MBOAT4: variants seen among roughly 807,000 people sequenced by gnomAD.
The protein encoded by MBOAT4 is membrane-bound ghrelin O-acyltransferase MBOAT4.
In MBOAT4, 11 loss-of-function variants were observed where a neutral mutation model predicts 13.2. The observed-to-expected ratio is 0.84, with a 90% CI of 0.53 to 1.38. The LOEUF is 1.38. Among genes scored for constraint, MBOAT4 ranks in the 40% most tolerant of loss-of-function variants. The probability of loss-of-function intolerance (pLI) is 0.00; values close to 1 mark genes in which losing one functional copy is unlikely to be tolerated. For missense variants in MBOAT4, 481 were observed against 527.2 expected (o/e 0.91, Z 0.86); for synonymous variants, 202 against 210.3 (o/e 0.96, Z 0.34).
Position 30,138,517 on chromosome 8 carries a change from G to T in MBOAT4, c.344+15C>A. On this transcript the variant is annotated intron_variant, in intron 2 of 2. Transcript: ENST00000320542. ...TGTAGGTGGGCTGAGCATGACCAAC[G>T]AACAGGCTGCTTACCTCACAGAAGG... The T allele has an allele frequency of 6.5e-7, 1 of 1,537,000 alleles. No individual in the cohort carries two copies. Among genetic ancestry groups the T allele is most frequent in the South Asian group, 1.2e-5 (1 of 83,544 alleles).
rs777956239 is a variant in MBOAT4, at chr8:30,144,531, A to T, written c.71T>A (p.Leu24His). Residue 24 changes from leucine (L) to histidine (H), a missense_variant, in exon 1 of 3, where the codon CTT (leucine) becomes CAT (histidine). Physicochemically the swap from Leu to His is moderately conservative, Grantham distance 99. Transcript: ENST00000320542. ...CATGATGCAGAGATAATTGAAGAGAAGTGCAAAGGGAAATGCAGCCCCCTG... is the reference window on the plus strand; with the variant it reads ...CATGATGCAGAGATAATTGAAGAGATGTGCAAAGGGAAATGCAGCCCCCTG... ...FYQGAAFPFA[L>H]LFNYLCIMDS... 7.1e-6 allele frequency: 11 copies of T among 1,551,664 alleles called. No individual in the cohort carries two copies. The highest frequency in any genetic ancestry group is 1.7e-4 in the Middle Eastern group (1 of 5,992).
In MBOAT4 at chr8:30,139,453, C is replaced by T. The variant is rs150711334; in HGVS notation, c.120-697G>A. Reference sequence around the variant, plus strand: ...ACCTAGTGTCAAGGATCTAGAAGAGCGCCCTAGGCATCCTCTCAAGACAAG... The same window carrying T: ...ACCTAGTGTCAAGGATCTAGAAGAGTGCCCTAGGCATCCTCTCAAGACAAG... On this transcript the variant is annotated intron_variant, in intron 1 of 2. Transcript: ENST00000320542. Among the ~76,000 whole-genome samples the T allele has an allele frequency of 4.2e-3, 643 of 152,232 alleles. 2 individuals carry two copies. Among genetic ancestry groups the T allele is most frequent in the African/African-American group, 9.4e-3 (390 of 41,532 alleles).
At chr8:30,142,664 G>A (rs1034208431) in intron 1 of MBOAT4, among the ~76,000 whole-genome samples, 3 of 152,138 alleles carry the variant, frequency 2.0e-5, no homozygotes, top group African/African-American at 7.2e-5. Flanking sequence ...GCCAGAAACT[G>A]AGCAATCTTC....
intron 2 of MBOAT4, among the ~76,000 whole-genome samples, chr8:30,135,449 C>G (rs534027333): frequency 3.9e-5 from 6 of 152,134 alleles, no homozygotes; most frequent in Non-Finnish European, 5.9e-5. Flanking sequence ...AAATACGAAC[C>G]AGGCCCTGGC....
intron 2 of MBOAT4, chr8:30,137,962 G>A: frequency 5.1e-6 from 1 of 197,094 alleles, no homozygotes; most frequent in Admixed American, 5.3e-5. Flanking sequence ...CCCTGCCCTT[G>A]ATGGATCAGC....
rs898854639 is a variant in MBOAT4 at position 30,132,763 on chromosome 8, A to G, written c.488T>C (p.Leu163Pro). 1 of 1,551,776 alleles carries G rather than the reference A, an allele frequency of 6.4e-7. No homozygotes were observed. The highest frequency in any genetic ancestry group is 8.7e-7 in the Non-Finnish European group (1 of 1,147,006). ...SSLSEHVCKA[L>P]PYFSYLLFFP... ...AAAGAGCAAGTAGCTGAAATAGGGC[A>G]GTGCCTTACACACATGCTCAGACAA... The change falls in exon 3 of 3, where the codon CTG (leucine) becomes CCG (proline). Residue 163 changes from leucine to proline, a missense_variant. Physicochemically the swap from Leu to Pro is moderately conservative, Grantham distance 98 (BLOSUM62 -3). Coordinates refer to ENST00000320542, the MANE Select transcript of MBOAT4 (RefSeq NM_001100916.2).
At chr8:30,140,843 T>C (rs1223012368) in intron 1 of MBOAT4, among the ~76,000 whole-genome samples, 1 of 152,012 alleles carries the variant, frequency 6.6e-6, no homozygotes, top group Non-Finnish European at 1.5e-5. Flanking sequence ...AAAAGAGCAG[T>C]GTTTTGTCTT....
chr8:30,132,819 T>C lies in MBOAT4; in HGVS notation c.432A>G (p.Ala144=), dbSNP rs1803056553. The C allele has an allele frequency of 3.9e-6, 6 of 1,551,640 alleles. No individual in the cohort carries two copies. In the South Asian group the frequency reaches 7.1e-5, roughly 18 times the overall value. ...SLDICEGKVK[A]ASGGFRSRSS... is the part of the protein sequence containing the mutation. The stretch of plus-strand genomic sequence containing the variant: ...TCCTGCTCCTGAAGCCTCCAGATGC[T>C]GCCTTCACTTTCCCCTCACAAATGT... The change falls in exon 3 of 3, where the codon GCA becomes GCG. Residue 144 remains alanine, a synonymous_variant. Transcript: ENST00000320542.
rs1260457759 is a variant in MBOAT4, at chr8:30,132,124, A to C, written c.1127T>G (p.Leu376Arg). Residue 376 changes from leucine to arginine, a missense_variant, in exon 3 of 3, where the codon CTG (leucine) becomes CGG (arginine). By Grantham distance (102) the Leu-to-Arg change is moderately radical (BLOSUM62 -2). Transcript: ENST00000320542. ...GGCCCAGGTGAGGGTTCTATAGAAC[A>C]GCCTCATCGGCCAGGATCTGATAAA... is the stretch of plus-strand genomic sequence containing the variant. Reference protein sequence around the residue: ...NEFIRSWPMRLFYRTLTWAHT... With the variant: ...NEFIRSWPMRRFYRTLTWAHT... The C allele has an allele frequency of 6.4e-7, 1 of 1,551,778 alleles. No individual in the cohort carries two copies. The highest frequency in any genetic ancestry group is 8.7e-7 in the Non-Finnish European group (1 of 1,147,008).
chr8:30,137,090 C>T (rs759588563), intron 2 of MBOAT4, among the ~76,000 whole-genome samples: 10 of 152,032 alleles, frequency 6.6e-5, no homozygotes, highest in Non-Finnish European at 1.2e-4. Context: ...GATAGGTGAC[C>T]GCCTGGAGCA....
Position 30,138,621 on chromosome 8 carries a change from C to T in MBOAT4, c.255G>A (p.Trp85Ter), listed in dbSNP as rs780174922. ...GCCAGCTCATCTGAAAGCAGAAGGT[C>T]CACCTGTGGACTTGCTGAGGAGCCA... Reference protein sequence around the residue: ...CSLAPQQVHRWTFCFQMSWQT... With the variant: ...CSLAPQQVHR The change falls in exon 2 of 3, where the codon TGG (tryptophan) becomes TGA (stop). Residue 85 changes from tryptophan to a stop codon, truncating the protein, a stop_gained. Coordinates refer to ENST00000320542, the MANE Select transcript of MBOAT4 (RefSeq NM_001100916.2). LOFTEE classifies it high-confidence loss of function. 1 of 1,551,538 alleles carries T rather than the reference C, an allele frequency of 6.4e-7. No individual in the cohort carries two copies. Among genetic ancestry groups the T allele is most frequent in the African/African-American group, 1.4e-5 (1 of 73,046 alleles).
rs1381444060 is a variant in MBOAT4, at chr8:30,132,528, G to C, written c.723C>G (p.Ile241Met). The C allele has an allele frequency of 1.3e-6, 2 of 1,551,756 alleles. No individual in the cohort carries two copies. Among genetic ancestry groups the C allele is most frequent in the South Asian group, 2.4e-5 (2 of 84,066 alleles). The change falls in exon 3 of 3, where the codon ATC becomes ATG. Residue 241 changes from isoleucine to methionine, a missense_variant. Ile to Met is a conservative substitution (Grantham distance 10, BLOSUM62 1). Transcript: ENST00000320542. ...GLTDCQQFEC[I>M]YVVWTTAGLF... is the part of the protein sequence containing the mutation. The stretch of plus-strand genomic sequence containing the variant: ...GCCCAGCTGTGGTCCACACGACATA[G>C]ATGCACTCGAATTGCTGGCAATCAG...
intron 2 of MBOAT4, 109 bp from the exon 3 acceptor site, chr8:30,133,015 T>C (rs1413397484): frequency 1.9e-6 from 2 of 1,066,384 alleles, no homozygotes; most frequent in Non-Finnish European, 2.6e-6. Flanking sequence ...TCTGTACAGC[T>C]AAGATTAATC....
chr8:30,144,234 A>G lies in MBOAT4; in HGVS notation c.119+249T>C, dbSNP rs1803311805. On this transcript the variant is annotated intron_variant, in intron 1 of 2. Coordinates refer to ENST00000320542, the MANE Select transcript of MBOAT4 (RefSeq NM_001100916.2). Reference sequence around the variant, plus strand: ...ACTGCAACCTCCACCTCCTGGGCTTAAGCAGGTCTCCTGCCTCCCTCCCGA... The same window carrying G: ...ACTGCAACCTCCACCTCCTGGGCTTGAGCAGGTCTCCTGCCTCCCTCCCGA... Among the ~76,000 whole-genome samples the G allele has an allele frequency of 4.0e-5, 6 of 151,834 alleles. No homozygotes were observed. In the South Asian group the frequency reaches 1.0e-3, roughly 26 times the overall value.
chr8:30,136,994 A>C (rs1803161292), intron 2 of MBOAT4, among the ~76,000 whole-genome samples: 1 of 151,966 alleles, frequency 6.6e-6, no homozygotes, highest in African/African-American at 2.4e-5. Context: ...GGCTGAAAAT[A>C]GTCTTTACAG....
rs186658057 is a variant in MBOAT4, at chr8:30,132,980, C to T, written c.345-74G>A. Reference sequence around the variant, plus strand: ...CTCTCTCTTATTCCAGTCTGTCATACATGATCTCGCAGGAAATAGATAGGT... The same window carrying T: ...CTCTCTCTTATTCCAGTCTGTCATATATGATCTCGCAGGAAATAGATAGGT... On this transcript the variant is annotated intron_variant, in intron 2 of 2. Coordinates refer to ENST00000320542, the MANE Select transcript of MBOAT4 (RefSeq NM_001100916.2). 149 of 1,413,648 alleles carry T rather than the reference C, an allele frequency of 1.1e-4. 1 individual carries two copies. The highest frequency in any genetic ancestry group is 3.4e-4 in the Admixed American group (12 of 35,696). The allele number at this position is 1,413,648 out of a possible 1,614,324, so 87.6% of individuals were successfully genotyped here. A position where few individuals can be genotyped will look rare whatever the true frequency, so the allele number is the denominator to read the frequency against.
chr8:30,139,719 G>T (rs1181083164), intron 1 of MBOAT4, among the ~76,000 whole-genome samples: 1 of 152,138 alleles, frequency 6.6e-6, no homozygotes, highest in African/African-American at 2.4e-5. Flanking sequence ...AGCACTTTGG[G>T]AGGCCAAGGA....
At chr8:30,133,927 A>G (rs1803084012) in intron 2 of MBOAT4, among the ~76,000 whole-genome samples, 1 of 152,180 alleles carries the variant, frequency 6.6e-6, no homozygotes, top group Non-Finnish European at 1.5e-5. Context: ...GTCTGATAAC[A>G]AAAACTACCA....
Position 30,131,945 on chromosome 8 carries a change from A to G in MBOAT4, c.1306T>C (p.Ter436ArgextTer15), listed in dbSNP as rs61751946. Residue 436 changes from the stop codon to arginine (R), a stop_lost, in exon 3 of 3, where the codon TGA becomes CGA. Transcript: ENST00000320542. Reference protein sequence around the residue: ...LLAKRKHKCN* With the variant: ...LLAKRKHKCNR ...AAGGTGAAAGCCAGGGAAAGATGTC[A>G]GTTACATTTGTGCTTTCTCTTCGCC... 1.6e-3 allele frequency: 2,532 copies of G among 1,542,484 alleles called. 35 individuals carry two copies. In the African/African-American group the frequency reaches 0.031, roughly 19 times the overall value.
Sources: allele counts gnomAD v4.1 joint callset (sites outside exome capture counted in the v4.1 genomes callset), GRCh38; gene constraint gnomAD v4.1.1; transcripts MANE v1.5; gene names NCBI Gene and HGNC (gene_info 2026-07-23, HGNC 2026-07-21).